PACSIN2: variants seen among roughly 807,000 people sequenced by gnomAD.
PACSIN2 encodes protein kinase C and casein kinase substrate in neurons 2.
Under a neutral mutation model 63.8 loss-of-function variants are expected in PACSIN2, and 25 were observed. The ratio of observed to expected loss-of-function variants is 0.39; its 90% CI spans 0.29 to 0.55. PACSIN2 has a LOEUF of 0.55. PACSIN2 is among the 20% of genes least tolerant of loss of function. The pLI is 0.62. For synonymous variants in PACSIN2, 255 were observed against 256.2 expected (o/e 1.00, Z 0.05); for missense variants, 518 against 646.9 (o/e 0.80, Z 2.16).
chr22:43,014,562 T>A (rs1390366396), intron 1 of PACSIN2, among the ~76,000 whole-genome samples: 1 of 151,844 alleles, frequency 6.6e-6, no homozygotes, highest in Non-Finnish European at 1.5e-5. Flanking sequence ...GCCTAACCTC[T>A]GCACGTCTCG....
At chr22:42,959,430 C>T (rs968767890) in intron 1 of PACSIN2, 4 of 152,146 alleles carry the variant, frequency 2.6e-5, no homozygotes, top group African/African-American at 9.7e-5. Context: ...CTAAAACATG[C>T]CAAAGCAAAG....
At position 42,967,761 on chromosome 22, in the gene PACSIN2, G is replaced by A. The variant is rs181911284; in HGVS notation, c.-78+47260C>T. Among the ~76,000 whole-genome samples, 1,046 of 152,196 alleles carry A rather than the reference G, an allele frequency of 6.9e-3. 16 individuals are homozygous for A. The highest frequency in any genetic ancestry group is 0.024 in the African/African-American group (1,006 of 41,530). On this transcript the variant is annotated intron_variant, in intron 1 of 10. Transcript: ENST00000263246. ...AAATTAGCCGGGCGTGGGGGTGGGC[G>A]CCTGTAGTCCCAGCTACTTGGGAGG... is the stretch of plus-strand genomic sequence containing the variant.
intron 1 of PACSIN2, among the ~76,000 whole-genome samples, chr22:42,996,091 G>A (rs1016624923): frequency 6.6e-5 from 10 of 151,524 alleles, no homozygotes; most frequent in Non-Finnish European, 1.5e-4. Flanking sequence ...GTGGTGGTGG[G>A]CGCCTGTAGT....
In PACSIN2 at chr22:42,882,259, A is replaced by G. The variant is rs753548652; in HGVS notation, c.831T>C (p.Ala277=). 1.9e-6 allele frequency: 3 copies of G among 1,613,906 alleles called. No individual in the cohort carries two copies. In the East Asian group the frequency reaches 6.7e-5, roughly 36 times the overall value. The change falls in exon 7 of 11, where the codon GCT becomes GCC. Residue 277 remains alanine (A), a synonymous_variant. Coordinates refer to ENST00000263246, the MANE Select transcript of PACSIN2 (RefSeq NM_001184970.3). The part of the protein sequence containing the change: ...YHDLEQSIRA[A]DAVEDLRWFR... ...ACCACCTCAGGTCCTCCACTGCATC[A>G]GCTGCTCTGATGCTCTGCTCCAGGT... is the stretch of plus-strand genomic sequence containing the variant.
At chr22:42,877,130 C>G in intron 8 of PACSIN2, 120 bp from the exon 9 acceptor site, 3 of 1,066,392 alleles carry the variant, frequency 2.8e-6, no homozygotes, top group Non-Finnish European at 4.2e-6. Context: ...CGGAGGGGAC[C>G]GTGGTGTTTC....
At chr22:42,979,637 C>A (rs1200863330) in intron 1 of PACSIN2, among the ~76,000 whole-genome samples, 1 of 151,660 alleles carries the variant, frequency 6.6e-6, no homozygotes, top group East Asian at 1.9e-4. Flanking sequence ...AGGTCAGATA[C>A]CTCCTTCTCT....
intron 1 of PACSIN2, among the ~76,000 whole-genome samples, chr22:42,968,042 G>A (rs1056148716): frequency 2.0e-5 from 3 of 152,198 alleles, no homozygotes; most frequent in East Asian, 1.9e-4. Context: ...GGAGTACTGC[G>A]CCAGTTTTCA....
intron 7 of PACSIN2, among the ~76,000 whole-genome samples, chr22:42,880,438 A>G (rs1183755546): frequency 2.0e-5 from 3 of 152,142 alleles, no homozygotes; most frequent in African/African-American, 4.8e-5. Context: ...CCAAAGGCCA[A>G]TGGGATCAAC....
At chr22:42,872,953 T>A (rs1187979232) in intron 10 of PACSIN2, among the ~76,000 whole-genome samples, 1 of 152,242 alleles carries the variant, frequency 6.6e-6, no homozygotes, top group African/African-American at 2.4e-5. Context: ...CTTCATTGGT[T>A]GCTGTGCTCT....
intron 1 of PACSIN2, among the ~76,000 whole-genome samples, chr22:42,937,109 C>T (rs1056858488): frequency 6.6e-6 from 1 of 152,208 alleles, no homozygotes; most frequent in African/African-American, 2.4e-5. Context: ...AACTCCTGCC[C>T]TCATGGGTCT....
intron 7 of PACSIN2, chr22:42,880,701 A>G (rs1192380611): frequency 6.6e-6 from 1 of 152,228 alleles, no homozygotes. Flanking sequence ...TGTGCGCAGA[A>G]TGAATGCACA....
chr22:42,960,532 T>G (rs1478173266), intron 1 of PACSIN2, among the ~76,000 whole-genome samples: 2 of 152,260 alleles, frequency 1.3e-5, no homozygotes, highest in Non-Finnish European at 2.9e-5. Context: ...ACCTCGCTTC[T>G]TCAATTTTTA....
chr22:42,902,632 G>A (rs1306620412), intron 2 of PACSIN2, among the ~76,000 whole-genome samples: 1 of 151,818 alleles, frequency 6.6e-6, no homozygotes, highest in African/African-American at 2.4e-5. Context: ...ATGGAGTCTC[G>A]CTCTGTCTTC....
intron 5 of PACSIN2, 26 bp downstream of exon 5, chr22:42,888,617 C>T (rs781768198): frequency 6.0e-5 from 97 of 1,609,984 alleles, no homozygotes; most frequent in Non-Finnish European, 1.7e-5. Context: ...TGACACTCGA[C>T]GTGTAAAAAC....
At chr22:42,982,004 G>T (rs1045416223) in intron 1 of PACSIN2, among the ~76,000 whole-genome samples, 5 of 82,486 alleles carry the variant, frequency 6.1e-5, no homozygotes. Context: ...GAGGTGGGGG[G>T]GTCAGCCCCC....
chr22:43,012,653 A>G lies in PACSIN2; in HGVS notation c.-78+2368T>C, dbSNP rs1005589017. On this transcript the variant is annotated intron_variant, in intron 1 of 10. Coordinates refer to ENST00000263246, the MANE Select transcript of PACSIN2 (RefSeq NM_001184970.3). ...ACGTGTGCACCACTACGCCAGACTA[A>G]TTTTTTTTTTTTTTTGAAACAGGAG... is the stretch of plus-strand genomic sequence containing the variant. Among the ~76,000 whole-genome samples, 80 of 141,554 alleles carry G rather than the reference A, an allele frequency of 5.7e-4. 1 individual carries two copies. The highest frequency in any genetic ancestry group is 1.4e-4 in the Non-Finnish European group (9 of 64,444). 92.9% of individuals were successfully genotyped at this position (141,554 alleles called of 152,430 possible). A position where few individuals can be genotyped will look rare whatever the true frequency, so the allele number is the denominator to read the frequency against.
intron 1 of PACSIN2, among the ~76,000 whole-genome samples, chr22:42,930,635 G>A (rs937335069): frequency 5.9e-5 from 9 of 152,118 alleles, no homozygotes; most frequent in Non-Finnish European, 1.2e-4. Context: ...CAAAAGGCAC[G>A]CTCATAAAAA....
intron 1 of PACSIN2, among the ~76,000 whole-genome samples, chr22:42,913,011 T>G (rs1931562518): frequency 6.6e-6 from 1 of 152,368 alleles, no homozygotes; most frequent in South Asian, 2.1e-4. Context: ...TCCTGTTTCA[T>G]ATGTAATCAC....
intron 3 of PACSIN2, among the ~76,000 whole-genome samples, chr22:42,892,898 G>C (rs1569231566): frequency 6.6e-6 from 1 of 152,228 alleles, no homozygotes; most frequent in East Asian, 1.9e-4. Flanking sequence ...CTGCTGGGAA[G>C]TGTGTTCTAA....
Sources: gnomAD v4.1 joint callset for allele counts (sites outside exome capture counted in the v4.1 genomes callset) on GRCh38, gnomAD v4.1.1 for gene constraint, MANE v1.5 for transcripts, NCBI Gene and HGNC (gene_info 2026-07-23, HGNC 2026-07-21) for gene names.